CREB3L2: variants seen among roughly 807,000 people sequenced by gnomAD.
CREB3L2 encodes the protein cyclic AMP-responsive element-binding protein 3-like protein 2.
In CREB3L2, 23 loss-of-function variants were observed where a neutral mutation model predicts 57.2. The observed-to-expected ratio is 0.40, with a 90% CI of 0.29 to 0.57. The LOEUF is 0.57. CREB3L2 is among the 20% of genes least tolerant of loss of function. The pLI, the probability that CREB3L2 is intolerant of heterozygous loss-of-function variation, is 0.42. For missense variants in CREB3L2, 628 were observed against 634.7 expected (o/e 0.99, Z 0.11); for synonymous variants, 268 against 265.1 (o/e 1.01, Z -0.11).
chr7:137,892,358 A>C (rs925759350), intron 8 of CREB3L2, among the ~76,000 whole-genome samples: 3 of 151,886 alleles, frequency 2.0e-5, no homozygotes, highest in Non-Finnish European at 2.9e-5. Flanking sequence ...AAAAAAAAAA[A>C]AAAACAACTT....
intron 7 of CREB3L2, among the ~76,000 whole-genome samples, chr7:137,902,862 G>A (rs1799793390): frequency 6.6e-6 from 1 of 152,036 alleles, no homozygotes; most frequent in Non-Finnish European, 1.5e-5. Context: ...TATCATCAAG[G>A]CTATAGTGCA....
At chr7:137,964,626 A>C (rs925788150) in intron 1 of CREB3L2, among the ~76,000 whole-genome samples, 1 of 152,250 alleles carries the variant, frequency 6.6e-6, no homozygotes, top group African/African-American at 2.4e-5. Flanking sequence ...ATGCAAGGTA[A>C]TCAATATTGA....
rs536051350 is a variant in CREB3L2, at chr7:137,914,931, T to C, written c.495+906A>G. 4.9e-4 allele frequency among the ~76,000 whole-genome samples: 75 copies of C among 152,290 alleles called. 2 individuals are homozygous for C. In the South Asian group the frequency reaches 0.016, roughly 32 times the overall value. On this transcript the variant is annotated intron_variant, in intron 3 of 11. Coordinates refer to ENST00000330387, the MANE Select transcript of CREB3L2 (RefSeq NM_194071.4). ...TTTCTTGAGACAGAGTCTTGCTCTG[T>C]TGCCCAAGCTGGAGTGCAGTGCCTC...
chr7:137,955,528 G>A (rs1225059917), intron 1 of CREB3L2, among the ~76,000 whole-genome samples: 1 of 152,128 alleles, frequency 6.6e-6, no homozygotes, highest in Admixed American at 6.5e-5. Context: ...TTCAATTATT[G>A]TTCTAATTGG....
At chr7:137,884,532 G>GCCA (rs1799369196) in intron 10 of CREB3L2, 3 of 233,714 alleles carry the variant, frequency 1.3e-5, no homozygotes, top group South Asian at 1.4e-4. Context: ...ACAGGCGTGA[G>GCCA]CCACCACGCC....
chr7:137,922,602 C>G (rs1249798539), intron 2 of CREB3L2: 1 of 443,054 alleles, frequency 2.3e-6, no homozygotes, highest in South Asian at 1.6e-5. Context: ...GAGAAAAACA[C>G]ATACGCAGTT....
intron 1 of CREB3L2, among the ~76,000 whole-genome samples, chr7:137,994,668 G>C (rs1033262471): frequency 6.6e-6 from 1 of 152,118 alleles, no homozygotes; most frequent in Non-Finnish European, 1.5e-5. Flanking sequence ...TTGCTGGGCC[G>C]GACGTGATAG....
intron 1 of CREB3L2, among the ~76,000 whole-genome samples, chr7:137,976,009 A>G (rs779651094): frequency 1.3e-5 from 2 of 152,232 alleles, no homozygotes; most frequent in African/African-American, 4.8e-5. Context: ...GTCTGATCCC[A>G]TAAGTAAGAA....
At chr7:137,902,744 A>G (rs1034808683) in intron 7 of CREB3L2, among the ~76,000 whole-genome samples, 1 of 152,168 alleles carries the variant, frequency 6.6e-6, no homozygotes, top group African/African-American at 2.4e-5. Flanking sequence ...AATACTATGT[A>G]AATATGTGTT....
intron 1 of CREB3L2, among the ~76,000 whole-genome samples, chr7:137,984,046 AG>A (rs1273363857): frequency 9.9e-5 from 15 of 152,168 alleles, no homozygotes; most frequent in African/African-American, 2.9e-4. Flanking sequence ...AGTGCCACTG[AG>A]GTTTTTGGCT....
chr7:137,916,058 C>A (rs1419783681), intron 2 of CREB3L2, 46 bp from the exon 3 acceptor site: 41 of 1,511,722 alleles, frequency 2.7e-5, no homozygotes, highest in African/African-American at 4.2e-5. Context: ...TTCAGGGCAT[C>A]AGGCATAAGC....
At chr7:137,882,998 AG>A (rs1399258039) in intron 10 of CREB3L2, among the ~76,000 whole-genome samples, 5 of 152,354 alleles carry the variant, frequency 3.3e-5, no homozygotes. Flanking sequence ...AGCTAAAAGA[AG>A]CAGCATTCCC....
rs1055647834 is a variant in CREB3L2 at position 137,905,949 on chromosome 7, C to T, written c.769-101G>A. 4.1e-6 allele frequency: 5 copies of T among 1,210,806 alleles called. No homozygotes were observed. The African/African-American group carries it at 7.6e-5, about 18-fold the overall frequency. The allele number at this position is 1,210,806 out of a possible 1,614,324, so 75.0% of individuals were successfully genotyped here. The stretch of plus-strand genomic sequence containing the variant: ...GATGAGAATCTGTTACAATGTCTTA[C>T]AGAAGGCTCTGAGACAAGGATGCCC... On this transcript the variant is annotated intron_variant, in intron 5 of 11. Coordinates refer to ENST00000330387, the MANE Select transcript of CREB3L2 (RefSeq NM_194071.4).
intron 3 of CREB3L2, among the ~76,000 whole-genome samples, chr7:137,915,034 G>C (rs898503744): frequency 3.0e-4 from 45 of 152,148 alleles, no homozygotes; most frequent in African/African-American, 1.0e-3. Context: ...GCTGCAGATA[G>C]ACATTCTATC....
chr7:137,959,907 TC>T (rs1801291245), intron 1 of CREB3L2, among the ~76,000 whole-genome samples: 1 of 152,190 alleles, frequency 6.6e-6, no homozygotes, highest in African/African-American at 2.4e-5. Context: ...CAGTAACTTT[TC>T]ACTTTCACTC....
At chr7:137,928,059 C>A (rs1263022069) in intron 2 of CREB3L2, 91 bp downstream of exon 2, 1 of 996,554 alleles carries the variant, frequency 1.0e-6, no homozygotes, top group Admixed American at 2.3e-5. Flanking sequence ...AGGGTGCTGA[C>A]ACCCTCTTTA....
chr7:137,955,204 C>A (rs908401434), intron 1 of CREB3L2: 1 of 1,045,080 alleles, frequency 9.6e-7, no homozygotes, highest in Non-Finnish European at 1.3e-6. Flanking sequence ...GAAATCCTTG[C>A]CCATTTCCAT....
chr7:137,925,224 A>G (rs1800427014), intron 2 of CREB3L2, among the ~76,000 whole-genome samples: 2 of 152,084 alleles, frequency 1.3e-5, no homozygotes, highest in Admixed American at 6.5e-5. Context: ...AGAGGGAGAA[A>G]AAAGGAGAAA....
chr7:137,898,571 C>G (rs1388271943), intron 8 of CREB3L2, among the ~76,000 whole-genome samples: 1 of 152,320 alleles, frequency 6.6e-6, no homozygotes, highest in East Asian at 1.9e-4. Context: ...ATTGATCTCT[C>G]TAGCCAATAA....
Sources: gnomAD v4.1 joint callset for allele counts (sites outside exome capture counted in the v4.1 genomes callset) on GRCh38, gnomAD v4.1.1 for gene constraint, MANE v1.5 for transcripts, NCBI Gene and HGNC (gene_info 2026-07-23, HGNC 2026-07-21) for gene names.